Variants in NME7 observed in about 807,000 individuals in gnomAD.
NME7 encodes the protein NME/NM23 family member 7.
A neutral mutation model predicts 49.1 loss-of-function variants in NME7; 41 were observed. That is an observed-to-expected ratio of 0.83 (90% confidence interval 0.65 to 1.08). NME7 has a LOEUF of 1.08. Among genes scored for constraint, NME7 ranks in the 50% least tolerant of loss-of-function variants. NME7 has a pLI of 0.00. For synonymous variants in NME7, 139 were observed against 150.6 expected (o/e 0.92, Z 0.56); for missense variants, 423 against 463.4 (o/e 0.91, Z 0.80).
chr1:169,168,133 A>G (rs1659467816), intron 11 of NME7, among the ~76,000 whole-genome samples: 1 of 152,146 alleles, frequency 6.6e-6, no homozygotes, highest in African/African-American at 2.4e-5. Flanking sequence ...GTAGTGCAAG[A>G]CCCTGGAGGT....
chr1:169,229,452 T>G (rs1647498579), intron 10 of NME7, among the ~76,000 whole-genome samples: 1 of 152,352 alleles, frequency 6.6e-6, no homozygotes, highest in South Asian at 2.1e-4. Flanking sequence ...TTAACTGCTC[T>G]GTTGCTACAC....
intron 10 of NME7, among the ~76,000 whole-genome samples, chr1:169,196,415 T>C (rs997291273): frequency 3.3e-5 from 5 of 152,180 alleles, no homozygotes; most frequent in Non-Finnish European, 7.4e-5. Flanking sequence ...TTTACTCATT[T>C]GTTGTCTGTC....
rs1020734487 is a variant in NME7, at chr1:169,282,027, C to T, written c.754+5276G>A. Among the ~76,000 whole-genome samples, 87 of 152,244 alleles carry T rather than the reference C, an allele frequency of 5.7e-4. 2 individuals carry two copies. The highest frequency in any genetic ancestry group is 6.8e-3 in the Middle Eastern group (2 of 294). On this transcript the variant is annotated intron_variant, in intron 7 of 11. Coordinates refer to ENST00000367811, the MANE Select transcript of NME7 (RefSeq NM_013330.5). ...GGAACAGTTTCAGAAGGAATGGTAC[C>T]AGCTCCTCTTTGTACCTCTGGTAGA...
chr1:169,145,119 A>G (rs1658710038), intron 11 of NME7, among the ~76,000 whole-genome samples: 1 of 152,226 alleles, frequency 6.6e-6, no homozygotes, highest in African/African-American at 2.4e-5. Flanking sequence ...TAGAGTAACA[A>G]ACAAGTTAAT....
chr1:169,213,001 T>C (rs550833104), intron 10 of NME7, among the ~76,000 whole-genome samples: 1 of 152,232 alleles, frequency 6.6e-6, no homozygotes, highest in African/African-American at 2.4e-5. Context: ...GTGACTTTAC[T>C]ATTTAAAACA....
chr1:169,207,206 G>A (rs1485435923), intron 10 of NME7, among the ~76,000 whole-genome samples: 1 of 152,064 alleles, frequency 6.6e-6, no homozygotes, highest in Non-Finnish European at 1.5e-5. Flanking sequence ...AGGAAGAAGG[G>A]AACGATGCCA....
intron 10 of NME7, among the ~76,000 whole-genome samples, chr1:169,226,812 A>T (rs1029867542): frequency 3.3e-5 from 5 of 152,246 alleles, no homozygotes; most frequent in African/African-American, 1.2e-4. Flanking sequence ...AACCACTGTT[A>T]ACATTTTACA....
intron 11 of NME7, among the ~76,000 whole-genome samples, chr1:169,134,524 A>C (rs796245431): frequency 5.9e-5 from 9 of 152,268 alleles, no homozygotes; most frequent in African/African-American, 2.2e-4. Context: ...AAGAGAGAAA[A>C]AGGATTCTCT....
At chr1:169,325,751 T>C (rs907144653) in intron 1 of NME7, among the ~76,000 whole-genome samples, 4 of 152,176 alleles carry the variant, frequency 2.6e-5, no homozygotes, top group African/African-American at 7.2e-5. Flanking sequence ...GTTTATAATA[T>C]ATCCATAAAC....
At chr1:169,176,347 T>C (rs1374022710) in intron 10 of NME7, among the ~76,000 whole-genome samples, 4 of 152,092 alleles carry the variant, frequency 2.6e-5, no homozygotes, top group Admixed American at 6.5e-5. Context: ...CTAATCTCAT[T>C]GAGTGAGCCA....
intron 10 of NME7, among the ~76,000 whole-genome samples, chr1:169,195,879 A>G (rs116270546): frequency 7.1e-6 from 1 of 140,736 alleles, no homozygotes; most frequent in Non-Finnish European, 1.6e-5. Flanking sequence ...GTTCAATAGT[A>G]AATGGTATAG....
At chr1:169,156,986 A>G (rs1429201233) in intron 11 of NME7, among the ~76,000 whole-genome samples, 1 of 152,262 alleles carries the variant, frequency 6.6e-6, no homozygotes, top group Non-Finnish European at 1.5e-5. Flanking sequence ...TTCCACATGC[A>G]CATATTTCAG....
Position 169,161,482 on chromosome 1 carries a change from A to T in NME7, c.1098+7965T>A, listed in dbSNP as rs575467266. Among the ~76,000 whole-genome samples the T allele has an allele frequency of 6.6e-5, 10 of 152,308 alleles. 1 individual carries two copies. The highest frequency in any genetic ancestry group is 6.5e-4 in the Admixed American group (10 of 15,302). On this transcript the variant is annotated intron_variant, in intron 11 of 11. Transcript: ENST00000367811. ...TATGTTTATTTCTGATTAATCCTTG[A>T]TTCACTATTTTTTCCCCCAGAGTGT...
At chr1:169,225,774 T>C (rs915410622) in intron 10 of NME7, among the ~76,000 whole-genome samples, 2 of 152,152 alleles carry the variant, frequency 1.3e-5, no homozygotes, top group Admixed American at 1.3e-4. Flanking sequence ...TAATACATAA[T>C]GAGCATTCCT....
chr1:169,141,528 T>A (rs1658594515), intron 11 of NME7, among the ~76,000 whole-genome samples: 1 of 152,160 alleles, frequency 6.6e-6, no homozygotes, highest in African/African-American at 2.4e-5. Flanking sequence ...AAGACTGCTG[T>A]CTACGAGGCC....
At chr1:169,142,307 A>T (rs1165070244) in intron 11 of NME7, among the ~76,000 whole-genome samples, 3 of 152,222 alleles carry the variant, frequency 2.0e-5, no homozygotes, top group Non-Finnish European at 4.4e-5. Context: ...CTTTGGGCTG[A>T]TTTTGAAATA....
rs1445619252 is a variant in NME7 at position 169,237,705 on chromosome 1, T to C, written c.755-18A>G. ...CAACAGTCCTGAAAATGAAGGACAA[T>C]GAGTGAAAAAATACAAAATTTTAAG... is the stretch of plus-strand genomic sequence containing the variant. On this transcript the variant is annotated intron_variant, in intron 7 of 11. Transcript: ENST00000367811. 5.0e-6 allele frequency: 8 copies of C among 1,591,616 alleles called. No individual in the cohort carries two copies. Among genetic ancestry groups the C allele is most frequent in the South Asian group, 3.5e-5 (3 of 86,918 alleles).
chr1:169,319,361 T>C (rs1241267946), intron 3 of NME7, among the ~76,000 whole-genome samples: 6 of 152,194 alleles, frequency 3.9e-5, no homozygotes, highest in Non-Finnish European at 2.9e-5. Flanking sequence ...CTAGAAAACA[T>C]ATAAAGTATT....
chr1:169,342,847 TAG>T (rs1652801387), intron 1 of NME7, among the ~76,000 whole-genome samples: 1 of 77,590 alleles, frequency 1.3e-5, no homozygotes, highest in African/African-American at 4.7e-5. Context: ...CATATATATA[TAG>T]TATATATATA....
Sources: allele counts gnomAD v4.1 joint callset (sites outside exome capture counted in the v4.1 genomes callset), GRCh38; gene constraint gnomAD v4.1.1; transcripts MANE v1.5; gene names NCBI Gene and HGNC (gene_info 2026-07-23, HGNC 2026-07-21).